Variants in MAP2 observed in about 807,000 individuals in gnomAD.
MAP2 encodes microtubule-associated protein 2.
A neutral mutation model predicts 137.6 loss-of-function variants in MAP2; 14 were observed. The observed-to-expected ratio is 0.10, with a 90% confidence interval of 0.07 to 0.16. MAP2 has a LOEUF of 0.16. Ranked by LOEUF, MAP2 falls within the 10% of genes least tolerant of loss-of-function variation. MAP2 has a pLI of 1.00. For missense variants in MAP2, 2,088 were observed against 2,191.5 expected, an observed-to-expected ratio of 0.95 and a Z score of 0.94; for synonymous variants, 786 against 782.3, an observed-to-expected ratio of 1.00 and a Z score of -0.08.
chr2:209,557,406 G>GA (rs898505235), intron 2 of MAP2, among the ~76,000 whole-genome samples: 11 of 151,948 alleles, frequency 7.2e-5, no homozygotes, highest in African/African-American at 1.9e-4. Flanking sequence ...TAGACAGCAG[G>GA]AAAAAAATGT....
At chr2:209,587,729 T>C (rs1481054272) in intron 3 of MAP2, among the ~76,000 whole-genome samples, 2 of 152,126 alleles carry the variant, frequency 1.3e-5, no homozygotes, top group Non-Finnish European at 2.9e-5. Flanking sequence ...GTAGCTCAAG[T>C]GCATGTTAAA....
intron 1 of MAP2, among the ~76,000 whole-genome samples, chr2:209,427,693 T>C (rs913567882): frequency 6.6e-6 from 1 of 152,218 alleles, no homozygotes; most frequent in Non-Finnish European, 1.5e-5. Flanking sequence ...TATTTATTCA[T>C]TATGAGAAAC....
Position 209,695,365 on chromosome 2 carries a change from A to C in MAP2, c.3195A>C (p.Arg1065Ser). The stretch of plus-strand genomic sequence containing the variant: ...CTTCAGGGCTAAACATAGATGATAG[A>C]AGGGCAACAGAGCTAAAACTTGAGG... ...QMASGLNIDD[R>S]RATELKLEAT... Residue 1065 changes from arginine to serine, a missense_variant, in exon 8 of 16, where the codon AGA becomes AGC. Transcript: ENST00000682079. 6.2e-7 allele frequency: 1 copy of C among 1,613,718 alleles called. No homozygotes were observed. Among genetic ancestry groups the C allele is most frequent in the Non-Finnish European group, 8.5e-7 (1 of 1,179,866 alleles).
At chr2:209,540,777 A>C (rs1354525744) in intron 2 of MAP2, among the ~76,000 whole-genome samples, 1 of 150,532 alleles carries the variant, frequency 6.6e-6, no homozygotes, top group African/African-American at 2.5e-5. Flanking sequence ...AATGCACTTA[A>C]GAAATGCATT....
intron 4 of MAP2, among the ~76,000 whole-genome samples, chr2:209,650,808 A>G (rs1031450843): frequency 3.3e-5 from 5 of 152,188 alleles, no homozygotes; most frequent in Non-Finnish European, 5.9e-5. Context: ...AAACTTTCAA[A>G]AATGTAAAGC....
At chr2:209,608,145 A>C (rs981832880) in intron 3 of MAP2, among the ~76,000 whole-genome samples, 4 of 152,218 alleles carry the variant, frequency 2.6e-5, no homozygotes, top group African/African-American at 9.6e-5. Context: ...TCTTGACTCT[A>C]CTGTGCACCA....
In MAP2 at chr2:209,693,470, A is replaced by G. The variant is rs999794940; in HGVS notation, c.1300A>G (p.Ile434Val). ...DTFTPSGQEPILTEKETELKL... is the reference protein window; with the variant it reads ...DTFTPSGQEPVLTEKETELKL... ...TTTCACCCCCAGTGGACAGGAACCT[A>G]TACTTACTGAAAAGGAAACTGAGCT... is the stretch of plus-strand genomic sequence containing the variant. The change falls in exon 8 of 16, where the codon ATA (isoleucine) becomes GTA (valine). Residue 434 changes from isoleucine (I) to valine (V), a missense_variant. By Grantham distance (29) the Ile-to-Val change is conservative. Around this residue, in one of 6 missense-constraint regions of MAP2, gnomAD observed 859 missense variants for 794.5 expected, o/e 1.08. Coordinates refer to ENST00000682079, the MANE Select transcript of MAP2 (RefSeq NM_001375505.1). 3 of 1,613,826 alleles carry G rather than the reference A, an allele frequency of 1.9e-6. No individual in the cohort carries two copies. The highest frequency in any genetic ancestry group is 1.1e-5 in the South Asian group (1 of 91,008).
At chr2:209,721,376 C>A (rs2070842977) in intron 13 of MAP2, among the ~76,000 whole-genome samples, 1 of 152,010 alleles carries the variant, frequency 6.6e-6, no homozygotes, top group Admixed American at 6.6e-5. Context: ...AAGAAAGTGC[C>A]ACTAATGCAT....
intron 2 of MAP2, among the ~76,000 whole-genome samples, chr2:209,544,923 A>T (rs2067750871): frequency 6.6e-6 from 1 of 152,224 alleles, no homozygotes; most frequent in African/African-American, 2.4e-5. Flanking sequence ...CAGCCTTTGT[A>T]AAACCTGAAT....
chr2:209,443,789 G>A (rs746533173), intron 1 of MAP2, among the ~76,000 whole-genome samples: 5 of 151,496 alleles, frequency 3.3e-5, no homozygotes, highest in Non-Finnish European at 7.4e-5. Context: ...AAAACATGAA[G>A]ACTCAACATT....
chr2:209,434,339 A>G (rs1695128277), intron 1 of MAP2, among the ~76,000 whole-genome samples: 1 of 151,890 alleles, frequency 6.6e-6, no homozygotes, highest in Admixed American at 6.6e-5. Context: ...TCATATTATG[A>G]TAGTTACTGG....
At chr2:209,530,803 C>T (rs1426115375) in intron 2 of MAP2, among the ~76,000 whole-genome samples, 1 of 152,064 alleles carries the variant, frequency 6.6e-6, no homozygotes, top group Non-Finnish European at 1.5e-5. Context: ...TTAATTTGCT[C>T]CAGGTCACAT....
intron 7 of MAP2, among the ~76,000 whole-genome samples, chr2:209,685,417 C>T (rs528410810): frequency 6.6e-6 from 1 of 152,254 alleles, no homozygotes; most frequent in African/African-American, 2.4e-5. Context: ...TGTCTTCTGT[C>T]ATTATCATTA....
At chr2:209,580,855 TCTTTAA>T (rs899506158) in intron 3 of MAP2, among the ~76,000 whole-genome samples, 3 of 152,200 alleles carry the variant, frequency 2.0e-5, no homozygotes, top group Non-Finnish European at 4.4e-5. Flanking sequence ...TTTAAGACCG[TCTTTAA>T]CTTTAATACC....
At chr2:209,461,350 A>G (rs932018177) in intron 1 of MAP2, among the ~76,000 whole-genome samples, 3 of 152,248 alleles carry the variant, frequency 2.0e-5, no homozygotes, top group Non-Finnish European at 2.9e-5. Flanking sequence ...AGTGGCAACC[A>G]TGCCAGACAG....
intron 4 of MAP2, among the ~76,000 whole-genome samples, chr2:209,652,270 GT>G (rs937590756): frequency 6.6e-6 from 1 of 152,126 alleles, no homozygotes; most frequent in Non-Finnish European, 1.5e-5. Context: ...ACAACTTCCT[GT>G]TGTATGTCAA....
At chr2:209,492,670 G>A (rs187718157) in intron 1 of MAP2, among the ~76,000 whole-genome samples, 57 of 152,246 alleles carry the variant, frequency 3.7e-4, no homozygotes, top group African/African-American at 1.3e-3. Context: ...GCCAAATCTT[G>A]AGCAAACTCC....
chr2:209,630,134 A>G (rs1040629328), intron 4 of MAP2, among the ~76,000 whole-genome samples: 4 of 152,198 alleles, frequency 2.6e-5, no homozygotes, highest in African/African-American at 4.8e-5. Flanking sequence ...TTTACTGGCT[A>G]TAAGTCACTT....
At chr2:209,534,974 A>T (rs2065732389) in intron 2 of MAP2, among the ~76,000 whole-genome samples, 1 of 5,958 alleles carries the variant, frequency 1.7e-4, no homozygotes, top group Non-Finnish European at 2.9e-4. Context: ...TAGTATATTA[A>T]CAGATATGTG....
Sources: allele counts gnomAD v4.1 joint callset (sites outside exome capture counted in the v4.1 genomes callset), GRCh38; gene constraint gnomAD v4.1.1; regional missense constraint gnomAD v4.1.1; transcripts MANE v1.5; gene names NCBI Gene and HGNC (gene_info 2026-07-23, HGNC 2026-07-21).